Variants in GFRA2 observed in about 807,000 individuals in gnomAD.
The protein encoded by GFRA2 is GDNF family receptor alpha-2.
Under a neutral mutation model 48.3 loss-of-function variants are expected in GFRA2, and 17 were observed. The observed-to-expected ratio is 0.35, with a 90% CI of 0.24 to 0.53. The LOEUF (loss-of-function observed/expected upper bound fraction) is 0.53, where lower values mean the gene tolerates loss of function less well. Ranked by LOEUF, GFRA2 falls within the 20% of genes least tolerant of loss-of-function variation. The pLI is 0.93. For missense variants in GFRA2, 660 were observed against 637.3 expected (o/e 1.04, Z -0.38); for synonymous variants, 305 against 257.2 (o/e 1.19, Z -1.78).
intron 3 of GFRA2, among the ~76,000 whole-genome samples, chr8:21,759,724 A>G (rs756012665): frequency 8.6e-5 from 13 of 151,946 alleles, no homozygotes; most frequent in Non-Finnish European, 1.2e-4. Context: ...CCCCATCTCT[A>G]CTAAAAATAC....
intron 4 of GFRA2, among the ~76,000 whole-genome samples, chr8:21,721,037 G>A (rs148544053): frequency 1.8e-4 from 27 of 151,670 alleles, no homozygotes; most frequent in Middle Eastern, 3.4e-3. Flanking sequence ...GGGAAGGGAG[G>A]GGAGGGAAGG....
intron 4 of GFRA2, among the ~76,000 whole-genome samples, chr8:21,712,226 C>A (rs1337706856): frequency 6.6e-6 from 1 of 151,772 alleles, no homozygotes; most frequent in Non-Finnish European, 1.5e-5. Flanking sequence ...GGCTGCCGGG[C>A]GGAGGGGCTC....
chr8:21,786,840 C>A (rs961435249), intron 1 of GFRA2, among the ~76,000 whole-genome samples: 1 of 152,170 alleles, frequency 6.6e-6, no homozygotes, highest in Non-Finnish European at 1.5e-5. Flanking sequence ...CTCCTACCTC[C>A]CCACTCGTGG....
At chr8:21,724,892 G>A (rs915813046) in intron 4 of GFRA2, among the ~76,000 whole-genome samples, 2 of 152,090 alleles carry the variant, frequency 1.3e-5, no homozygotes, top group East Asian at 1.9e-4. Flanking sequence ...CACATACGAT[G>A]TCTTGCCTAG....
At chr8:21,802,390 T>C (rs1205795713) in intron 2 of GFRA2, among the ~76,000 whole-genome samples, 7 of 152,326 alleles carry the variant, frequency 4.6e-5, no homozygotes, top group African/African-American at 1.4e-4. Flanking sequence ...GGTCTCATTC[T>C]GTTGTCCAGG....
At chr8:21,781,823 C>T (rs1190154076) in intron 2 of GFRA2, among the ~76,000 whole-genome samples, 1 of 152,176 alleles carries the variant, frequency 6.6e-6, no homozygotes, top group Non-Finnish European at 1.5e-5. Context: ...GCAAATCCTC[C>T]ACACCCAGGT....
At position 21,782,655 on chromosome 8, in the gene GFRA2, G is replaced by A; in HGVS notation, c.285C>T (p.Cys95=). The change falls in exon 2 of 9, where the codon TGC becomes TGT. Residue 95 remains cysteine (C), a synonymous_variant. Coordinates refer to ENST00000524240, the MANE Select transcript of GFRA2 (RefSeq NM_001495.5). ...LQESPLYDCR[C]KRGMKKELQC... ...GCAGCTCCTTCTTCATGCCCCGCTT[G>A]CAGCGGCAGTCGTACAGCGGGCTCT... 2 of 1,585,764 alleles carry A rather than the reference G, an allele frequency of 1.3e-6. No homozygotes were observed. Among genetic ancestry groups the A allele is most frequent in the Non-Finnish European group, 1.7e-6 (2 of 1,166,610 alleles).
At chr8:21,802,575 G>C (rs1452286115) in intron 2 of GFRA2, among the ~76,000 whole-genome samples, 2 of 152,114 alleles carry the variant, frequency 1.3e-5, no homozygotes, top group Non-Finnish European at 2.9e-5. Flanking sequence ...GGATGGTCTA[G>C]AACTCCTGGG....
chr8:21,700,934 G>C (rs1427157099), intron 7 of GFRA2, among the ~76,000 whole-genome samples: 1 of 152,096 alleles, frequency 6.6e-6, no homozygotes, highest in Non-Finnish European at 1.5e-5. Context: ...CCACCACAAA[G>C]CCACTCAATC....
At chr8:21,715,243 C>T (rs1803273223) in intron 4 of GFRA2, among the ~76,000 whole-genome samples, 2 of 152,220 alleles carry the variant, frequency 1.3e-5, no homozygotes, top group African/African-American at 4.8e-5. Context: ...CTGCCCAGAA[C>T]AGCAGCTCCC....
intron 8 of GFRA2, among the ~76,000 whole-genome samples, chr8:21,693,775 A>AAGAAGGAGAGG: frequency 6.8e-6 from 1 of 148,112 alleles, no homozygotes; most frequent in East Asian, 2.1e-4. Context: ...GAGAGGAGAG[A>AAGAAGGAGAGG]GGAAGGAGAG....
intron 2 of GFRA2, among the ~76,000 whole-genome samples, chr8:21,801,739 A>G (rs1380564505): frequency 9.9e-5 from 15 of 152,096 alleles, no homozygotes; most frequent in African/African-American, 3.4e-4. Flanking sequence ...ACAACTCACT[A>G]AAACAAATCC....
intron 2 of GFRA2, among the ~76,000 whole-genome samples, chr8:21,775,534 G>A (rs1290283479): frequency 2.6e-5 from 4 of 152,182 alleles, no homozygotes; most frequent in Admixed American, 2.6e-4. Flanking sequence ...AGCTACTCCT[G>A]GAAGGGCCAG....
At chr8:21,761,273 T>C (rs1398913184) in intron 3 of GFRA2, among the ~76,000 whole-genome samples, 1 of 152,228 alleles carries the variant, frequency 6.6e-6, no homozygotes, top group African/African-American at 2.4e-5. Flanking sequence ...GACAACCCAC[T>C]GTGTGTAAAG....
intron 4 of GFRA2, among the ~76,000 whole-genome samples, chr8:21,727,757 C>T (rs1803949995): frequency 6.6e-6 from 1 of 152,208 alleles, no homozygotes; most frequent in South Asian, 2.1e-4. Context: ...ATCATCTGTC[C>T]TCTCCTTACC....
At chr8:21,774,330 G>C (rs7835567) in intron 3 of GFRA2, among the ~76,000 whole-genome samples, 1,727 of 152,246 alleles carry the variant, frequency 0.011, 29 homozygotes, top group African/African-American at 0.038. Context: ...GAACCCAATG[G>C]AGACGGTATC....
chr8:21,730,310 G>A (rs1222209543), intron 4 of GFRA2, among the ~76,000 whole-genome samples: 3 of 152,080 alleles, frequency 2.0e-5, no homozygotes, highest in Non-Finnish European at 2.9e-5. Context: ...GGCTGAAGCA[G>A]GAGAATCATT....
intron 3 of GFRA2, among the ~76,000 whole-genome samples, chr8:21,765,557 A>G (rs1806112399): frequency 1.3e-5 from 2 of 151,738 alleles, no homozygotes; most frequent in Admixed American, 1.3e-4. Context: ...TCTCCTGACT[A>G]TATACCCTCC....
chr8:21,790,063 G>A, upstream of GFRA2: 1 of 985,154 alleles, frequency 1.0e-6, no homozygotes, highest in Non-Finnish European at 1.2e-6. Context: ...CGGTGGGCCG[G>A]GCTCACCGGC....
Sources: allele counts gnomAD v4.1 joint callset (sites outside exome capture counted in the v4.1 genomes callset), GRCh38; gene constraint gnomAD v4.1.1; transcripts MANE v1.5; gene names NCBI Gene and HGNC (gene_info 2026-07-23, HGNC 2026-07-21).